The following TENM4 variants were observed in gnomAD, a reference collection of about 807,000 sequenced individuals.
TENM4 encodes the protein teneurin-4.
In TENM4, 82 loss-of-function variants were observed where a neutral mutation model predicts 243.3. The observed-to-expected ratio is 0.34, with a 90% CI of 0.28 to 0.40. TENM4 has a LOEUF of 0.40. Ranked by LOEUF, TENM4 falls within the 10% of genes least tolerant of loss-of-function variation. The pLI, the probability that TENM4 is intolerant of heterozygous loss-of-function variation, is 1.00. For synonymous variants in TENM4, 1,412 were observed against 1,456.3 expected, an observed-to-expected ratio of 0.97 and a Z score of 0.69; for missense variants, 3,138 against 3,673.3, an observed-to-expected ratio of 0.85 and a Z score of 3.77.
At chr11:79,127,309 T>C (rs2137149646) in intron 4 of TENM4, among the ~76,000 whole-genome samples, 1 of 152,318 alleles carries the variant, frequency 6.6e-6, no homozygotes, top group African/African-American at 2.4e-5. Flanking sequence ...GCAGGGGTGG[T>C]GATTCCCACC....
intron 11 of TENM4, among the ~76,000 whole-genome samples, chr11:78,854,550 T>C (rs994940305): frequency 1.3e-5 from 2 of 149,744 alleles, no homozygotes; most frequent in African/African-American, 5.0e-5. Flanking sequence ...AGGATTATTT[T>C]TTAGTCTCAT....
At chr11:78,747,744 C>G (rs1478120683) in intron 19 of TENM4, among the ~76,000 whole-genome samples, 1 of 152,204 alleles carries the variant, frequency 6.6e-6, no homozygotes, top group African/African-American at 2.4e-5. Context: ...AAGGCCTGAT[C>G]CTATATTCTC....
At chr11:78,890,104 TAGA>T (rs1296651864) in intron 8 of TENM4, 84 bp from the exon 9 acceptor site, 4 of 1,124,926 alleles carry the variant, frequency 3.6e-6, no homozygotes, top group South Asian at 1.6e-5. Context: ...GAGGCGGCAG[TAGA>T]AGAAGCATGC....
chr11:78,693,537 G>C (rs2135738050), intron 28 of TENM4, among the ~76,000 whole-genome samples: 1 of 152,334 alleles, frequency 6.6e-6, no homozygotes, highest in Admixed American at 6.5e-5. Context: ...ACTGGCAGTT[G>C]TTTTATTTTC....
At chr11:79,028,925 A>G (rs966597343) in intron 6 of TENM4, among the ~76,000 whole-genome samples, 1 of 152,210 alleles carries the variant, frequency 6.6e-6, no homozygotes, top group Non-Finnish European at 1.5e-5. Flanking sequence ...TAACAAGCAC[A>G]CTAAGTGGTA....
At chr11:79,111,618 C>T (rs7112792) in intron 4 of TENM4, among the ~76,000 whole-genome samples, 8,306 of 152,206 alleles carry the variant, frequency 0.055, 378 homozygotes, top group East Asian at 0.12. Context: ...TACCCAGTCT[C>T]GGGTATGTCT....
At position 79,126,223 on chromosome 11, in the gene TENM4, G is replaced by A. The variant is rs377357895; in HGVS notation, c.-66+22487C>T. The stretch of plus-strand genomic sequence containing the variant: ...GGGATCCAAAGGCTTAGGGAGATTG[G>A]GATGGTGGAGTGAATTAGTCACTTT... On this transcript the variant is annotated intron_variant, in intron 4 of 33. Transcript: ENST00000278550. Among the ~76,000 whole-genome samples, 9 of 152,310 alleles carry A rather than the reference G, an allele frequency of 5.9e-5. No individual in the cohort carries two copies. In the East Asian group the frequency reaches 1.5e-3, roughly 26 times the overall value.
At chr11:79,112,466 T>C (rs1456694753) in intron 4 of TENM4, among the ~76,000 whole-genome samples, 1 of 151,900 alleles carries the variant, frequency 6.6e-6, no homozygotes, top group East Asian at 1.9e-4. Context: ...CAGGACTGTG[T>C]TTATGGGAAG....
At chr11:79,134,740 G>A (rs927956939) in intron 4 of TENM4, among the ~76,000 whole-genome samples, 6 of 152,078 alleles carry the variant, frequency 3.9e-5, no homozygotes, top group Non-Finnish European at 1.5e-5. Flanking sequence ...AATATAAAGT[G>A]GAGAAAGGAC....
chr11:79,396,900 T>A (rs1858356703), intron 1 of TENM4, among the ~76,000 whole-genome samples: 1 of 152,024 alleles, frequency 6.6e-6, no homozygotes, highest in South Asian at 2.1e-4. Context: ...TCTGAGTCGG[T>A]TTGCCAAGGC....
At chr11:79,021,188 TA>T (rs1858917542) in intron 6 of TENM4, among the ~76,000 whole-genome samples, 1 of 152,204 alleles carries the variant, frequency 6.6e-6, no homozygotes, top group African/African-American at 2.4e-5. Context: ...TCATCACAAC[TA>T]AACTTGAGGG....
intron 6 of TENM4, among the ~76,000 whole-genome samples, chr11:78,988,321 C>T (rs1857965914): frequency 6.6e-6 from 1 of 152,220 alleles, no homozygotes; most frequent in African/African-American, 2.4e-5. Flanking sequence ...CTGGTCAGGT[C>T]TTCAGATGGC....
intron 6 of TENM4, among the ~76,000 whole-genome samples, chr11:79,023,701 T>G (rs1041233656): frequency 6.6e-6 from 1 of 152,158 alleles, no homozygotes; most frequent in Non-Finnish European, 1.5e-5. Flanking sequence ...TACATAGTAA[T>G]TGGTTGATAA....
At chr11:78,833,373 T>C (rs558224413) in intron 12 of TENM4, among the ~76,000 whole-genome samples, 1 of 152,336 alleles carries the variant, frequency 6.6e-6, no homozygotes, top group Non-Finnish European at 1.5e-5. Context: ...TATCTGCCAC[T>C]TCTGACCAGT....
Position 78,712,622 on chromosome 11 carries a change from A to G in TENM4, c.3914T>C (p.Ile1305Thr). The change falls in exon 26 of 34, where the codon ATC becomes ACC. Residue 1305 changes from isoleucine to threonine, a missense_variant. By Grantham distance (89) the Ile-to-Thr change is moderately conservative. Transcript: ENST00000278550. ...SDSNSRRVFK[I>T]KSTVVVKDLV... is the part of the protein sequence containing the mutation. Reference sequence around the variant, plus strand: ...GTCCTTCACCACCACAGTGGACTTGATTTTAAAGACCCGCCGGCTGTTGCT... The same window carrying G: ...GTCCTTCACCACCACAGTGGACTTGGTTTTAAAGACCCGCCGGCTGTTGCT... The G allele has an allele frequency of 1.2e-6, 2 of 1,613,910 alleles. No homozygotes were observed. The highest frequency in any genetic ancestry group is 1.7e-6 in the Non-Finnish European group (2 of 1,179,888).
At chr11:79,286,526 G>C (rs1324699213) in intron 2 of TENM4, among the ~76,000 whole-genome samples, 1 of 151,522 alleles carries the variant, frequency 6.6e-6, no homozygotes, top group African/African-American at 2.4e-5. Context: ...AAAATTAGCT[G>C]GGTGTGGTGG....
chr11:78,922,678 C>T (rs549073210), intron 6 of TENM4, among the ~76,000 whole-genome samples: 7 of 152,208 alleles, frequency 4.6e-5, no homozygotes, highest in Non-Finnish European at 8.8e-5. Flanking sequence ...TCAAACACGT[C>T]AAACATGTGA....
At chr11:78,724,958 C>A (rs597231) in intron 23 of TENM4, among the ~76,000 whole-genome samples, 19,942 of 152,180 alleles carry the variant, frequency 0.13, 1,564 homozygotes, top group Admixed American at 0.19. Flanking sequence ...GGGTCTCAGA[C>A]CCTGCAGCCC....
chr11:79,386,443 T>C (rs962439881), intron 1 of TENM4, among the ~76,000 whole-genome samples: 3 of 152,066 alleles, frequency 2.0e-5, no homozygotes, highest in African/African-American at 2.4e-5. Flanking sequence ...GAACTTATCT[T>C]CACCAAATGA....
Sources: gnomAD v4.1 joint callset for allele counts (sites outside exome capture counted in the v4.1 genomes callset) on GRCh38, gnomAD v4.1.1 for gene constraint, MANE v1.5 for transcripts, NCBI Gene and HGNC (gene_info 2026-07-23, HGNC 2026-07-21) for gene names.